The following GPR35 variants were observed in gnomAD, a reference collection of about 807,000 sequenced individuals.
GPR35 encodes G protein-coupled receptor 35, also known as KYNA receptor.
For synonymous variants in GPR35, 207 were observed against 198.4 expected, an observed-to-expected ratio of 1.04 and a Z score of -0.36; for missense variants, 372 against 422.5, an observed-to-expected ratio of 0.88 and a Z score of 1.05.
At position 240,632,246 on chromosome 2, in the gene GPR35, G is replaced by A. The variant is rs1437356880; in HGVS notation, c.*1364G>A. Among the ~76,000 whole-genome samples, 1 of 152,074 alleles carries A rather than the reference G, an allele frequency of 6.6e-6. No individual in the cohort carries two copies. The highest frequency in any genetic ancestry group is 1.5e-5 in the Non-Finnish European group (1 of 67,998). ...GCCTGGAAGGGTCCATGCTCAGGAGGGTTCATGCCCAGGAGAGTTTATGCC... is the reference window on the plus strand; with the variant it reads ...GCCTGGAAGGGTCCATGCTCAGGAGAGTTCATGCCCAGGAGAGTTTATGCC... On this transcript the variant is annotated 3_prime_UTR_variant, in exon 2 of 2. Coordinates refer to ENST00000407714, the MANE Select transcript of GPR35 (RefSeq NM_005301.5).
rs1361576186 is a variant in GPR35 at position 240,631,512 on chromosome 2, T to A, written c.*630T>A. 6.8e-6 allele frequency among the ~76,000 whole-genome samples: 1 copy of A among 147,388 alleles called. No individual in the cohort carries two copies. The highest frequency in any genetic ancestry group is 1.5e-5 in the Non-Finnish European group (1 of 66,424). Reference sequence around the variant, plus strand: ...AAGACAGGGCTGGGAGCAGCTGATCTCCATGTAGGGGCTGCACAGCGGTGC... The same window carrying A: ...AAGACAGGGCTGGGAGCAGCTGATCACCATGTAGGGGCTGCACAGCGGTGC... On this transcript the variant is annotated 3_prime_UTR_variant, in exon 2 of 2. Coordinates refer to ENST00000407714, the MANE Select transcript of GPR35 (RefSeq NM_005301.5).
intron 1 of GPR35, among the ~76,000 whole-genome samples, chr2:240,627,266 T>G (rs778316511): frequency 1.2e-4 from 18 of 152,180 alleles, no homozygotes; most frequent in Non-Finnish European, 2.5e-4. Flanking sequence ...AGGGGCCCCA[T>G]GCCATCTGGG....
upstream of GPR35, among the ~76,000 whole-genome samples, chr2:240,624,264 G>A (rs778465801): frequency 1.2e-4 from 18 of 152,096 alleles, no homozygotes; most frequent in East Asian, 9.6e-4. Context: ...GCCCGAGGAT[G>A]AGGCCCCTCT....
In GPR35 at chr2:240,631,162, G is replaced by T. The variant is rs948586045; in HGVS notation, c.*280G>T. 3 of 495,830 alleles carry T rather than the reference G, an allele frequency of 6.1e-6. No individual in the cohort carries two copies. The highest frequency in any genetic ancestry group is 7.5e-6 in the Non-Finnish European group (2 of 267,248). The allele number at this position is 495,830 out of a possible 1,614,324, so 30.7% of individuals were successfully genotyped here. A position where few individuals can be genotyped will look rare whatever the true frequency, so the allele number is the denominator to read the frequency against. ...TGCCACCCCCAGAACCAGCTCACCT[G>T]GCCAGAGTGGGTTCCTGCTGGCCAG... On this transcript the variant is annotated 3_prime_UTR_variant, in exon 2 of 2. Transcript: ENST00000407714.
rs564880692 is a variant in GPR35, at chr2:240,619,040, A to G, written c.-5+9A>G. The G allele has an allele frequency of 6.8e-4, 480 of 701,652 alleles. 2 individuals are homozygous for G. Among genetic ancestry groups the G allele is most frequent in the South Asian group, 1.1e-3 (74 of 67,366 alleles). 43.5% of individuals were successfully genotyped at this position (701,652 alleles called of 1,614,324 possible). On this transcript the variant is annotated intron_variant, in intron 5 of 5. Coordinates refer to the GPR35 transcript ENST00000319838. ...AGTCCTTGCGTCTCTCTGTGAGTACATTCCTAGAAGTGGGGTTATTGGGTC... is the reference window on the plus strand; with the variant it reads ...AGTCCTTGCGTCTCTCTGTGAGTACGTTCCTAGAAGTGGGGTTATTGGGTC...
In GPR35 at chr2:240,605,723, G is replaced by A. The variant is rs539987208; in HGVS notation, c.-803+153G>A. 5.9e-5 allele frequency among the ~76,000 whole-genome samples: 9 copies of A among 152,330 alleles called. No homozygotes were observed. The South Asian group carries it at 1.2e-3, about 21-fold the overall frequency. The stretch of plus-strand genomic sequence containing the variant: ...GGGCTCGTGCTTTCTTCATGGTTGC[G>A]CCTTGCTCGCTGTCCCTTGGAGTCT... On this transcript the variant is annotated intron_variant, in intron 1 of 5. Coordinates refer to the GPR35 transcript ENST00000319838.
chr2:240,622,183 G>T (rs1002394470), upstream of GPR35, among the ~76,000 whole-genome samples: 2 of 152,182 alleles, frequency 1.3e-5, no homozygotes, highest in African/African-American at 2.4e-5. Context: ...TCCGGCCAAG[G>T]GTAGTTGTCT....
At chr2:240,629,664 A>T (rs1257574443) in intron 1 of GPR35, 1 of 350,220 alleles carries the variant, frequency 2.9e-6, no homozygotes, top group Non-Finnish European at 5.2e-6. Context: ...ACTGGAGGGG[A>T]ACGTGGAGCT....
intron 4 of GPR35, among the ~76,000 whole-genome samples, chr2:240,617,971 G>A (rs2043256444): frequency 6.6e-6 from 1 of 152,172 alleles, no homozygotes; most frequent in South Asian, 2.1e-4. Context: ...TCCTCTTCAA[G>A]AGAAATGGTA....
chr2:240,627,717 C>G (rs911977300), intron 1 of GPR35: 1 of 140,582 alleles, frequency 7.1e-6, no homozygotes, highest in East Asian at 2.4e-4. Context: ...TCAAGTCATC[C>G]TCCTGTCTCA....
rs1164471761 is a variant in GPR35, at chr2:240,631,541, G to T, written c.*659G>T. ...TGTAGGGGCTGCACAGCGGTGCAAG[G>T]GGGGGTGACCAAGGTCAAGCAGGTG... On this transcript the variant is annotated 3_prime_UTR_variant, in exon 2 of 2. Transcript: ENST00000407714. Among the ~76,000 whole-genome samples, 1 of 152,042 alleles carries T rather than the reference G, an allele frequency of 6.6e-6. No individual in the cohort carries two copies. Among genetic ancestry groups the T allele is most frequent in the Non-Finnish European group, 1.5e-5 (1 of 67,978 alleles).
At chr2:240,606,934 G>A (rs1028643859) in intron 2 of GPR35, among the ~76,000 whole-genome samples, 4 of 152,178 alleles carry the variant, frequency 2.6e-5, no homozygotes, top group Admixed American at 1.3e-4. Context: ...CTGAAGTCTC[G>A]AGGATGAATT....
chr2:240,622,790 G>C (rs912116745), upstream of GPR35, among the ~76,000 whole-genome samples: 1 of 152,214 alleles, frequency 6.6e-6, no homozygotes, highest in Non-Finnish European at 1.5e-5. Context: ...GCTGCAGGGG[G>C]CTAACCTTGG....
chr2:240,625,475 G>A (rs1243160962), upstream of GPR35: 14 of 985,646 alleles, frequency 1.4e-5, no homozygotes, highest in Non-Finnish European at 1.6e-5. Flanking sequence ...GCTCACCCCA[G>A]CTTCACTTCC....
chr2:240,606,071 C>G (rs908860221), intron 1 of GPR35, among the ~76,000 whole-genome samples: 1 of 152,208 alleles, frequency 6.6e-6, no homozygotes, highest in African/African-American at 2.4e-5. Context: ...TGCTGCCCCC[C>G]AAACCCGGCC....
At chr2:240,622,412 C>T (rs762629050), upstream of GPR35, among the ~76,000 whole-genome samples, 7 of 152,208 alleles carry the variant, frequency 4.6e-5, no homozygotes, top group Non-Finnish European at 1.0e-4. Context: ...CATCGCCTCA[C>T]AGACTTCCCT....
At chr2:240,607,216 CTG>C (rs2043144298) in intron 2 of GPR35, 1 of 150,578 alleles carries the variant, frequency 6.6e-6, no homozygotes, top group African/African-American at 2.4e-5. Context: ...GGATCTCACT[CTG>C]TTTGTCCAGG....
upstream of GPR35, among the ~76,000 whole-genome samples, chr2:240,621,406 C>T (rs1307983162): frequency 6.6e-6 from 1 of 152,140 alleles, no homozygotes; most frequent in Admixed American, 6.5e-5. Flanking sequence ...AGGCACGCGC[C>T]ACCACGCCCA....
intron 2 of GPR35, among the ~76,000 whole-genome samples, chr2:240,607,982 C>G (rs1254024572): frequency 6.6e-6 from 1 of 152,086 alleles, no homozygotes; most frequent in East Asian, 1.9e-4. Flanking sequence ...GTCTCAAACT[C>G]CTGGGCTCAA....
Sources: allele counts gnomAD v4.1 joint callset (sites outside exome capture counted in the v4.1 genomes callset), GRCh38; gene constraint gnomAD v4.1.1; transcripts MANE v1.5; gene names NCBI Gene and HGNC (gene_info 2026-07-23, HGNC 2026-07-21).